GPC5: variants seen among roughly 807,000 people sequenced by gnomAD.
GPC5 encodes the protein glypican-5.
In GPC5, 47 loss-of-function variants were observed where a neutral mutation model predicts 53.9. The observed-to-expected ratio is 0.87, with a 90% confidence interval of 0.69 to 1.11. GPC5 has a LOEUF of 1.11. Ranked by LOEUF, GPC5 falls within the 50% of genes most tolerant of loss-of-function variation. GPC5 has a pLI of 0.00. For synonymous variants in GPC5, 286 were observed against 263.3 expected, an observed-to-expected ratio of 1.09 and a Z score of -0.84; for missense variants, 748 against 713.1, an observed-to-expected ratio of 1.05 and a Z score of -0.56.
At chr13:92,845,705 C>G (rs1456447107) in intron 7 of GPC5, among the ~76,000 whole-genome samples, 1 of 152,086 alleles carries the variant, frequency 6.6e-6, no homozygotes, top group African/African-American at 2.4e-5. Flanking sequence ...ATGAAATTAA[C>G]CATCACACTA....
At chr13:92,809,712 C>G (rs963820557) in intron 7 of GPC5, among the ~76,000 whole-genome samples, 10 of 152,072 alleles carry the variant, frequency 6.6e-5, no homozygotes, top group Non-Finnish European at 8.8e-5. Flanking sequence ...GACCACTGAC[C>G]ACAGATCACC....
chr13:92,597,597 CAA>C (rs1376053150), intron 7 of GPC5, among the ~76,000 whole-genome samples: 4 of 151,864 alleles, frequency 2.6e-5, no homozygotes, highest in African/African-American at 9.7e-5. Flanking sequence ...AAGATAATGT[CAA>C]AGAAAAACTA....
intron 7 of GPC5, among the ~76,000 whole-genome samples, chr13:92,851,778 G>T (rs1208031447): frequency 6.7e-6 from 1 of 150,308 alleles, no homozygotes; most frequent in Non-Finnish European, 1.5e-5. Context: ...AGTCCCAGCT[G>T]CTCAGGAGGC....
chr13:92,120,468 C>T (rs573116758), intron 6 of GPC5, among the ~76,000 whole-genome samples: 27 of 152,154 alleles, frequency 1.8e-4, no homozygotes, highest in African/African-American at 5.8e-4. Flanking sequence ...CTATGTTAGC[C>T]AAGCTGGTCT....
At chr13:91,441,286 A>C (rs1004523593) in intron 1 of GPC5, among the ~76,000 whole-genome samples, 10 of 152,226 alleles carry the variant, frequency 6.6e-5, no homozygotes, top group African/African-American at 2.4e-4. Context: ...ACTTCAGGGC[A>C]GGGAACTTGA....
chr13:92,493,605 C>T (rs970296176), intron 7 of GPC5, among the ~76,000 whole-genome samples: 3 of 152,150 alleles, frequency 2.0e-5, no homozygotes, highest in Non-Finnish European at 4.4e-5. Context: ...GTCTCAAGGT[C>T]TGTCTTCAAG....
At chr13:91,975,267 A>G (rs1313803359) in intron 6 of GPC5, among the ~76,000 whole-genome samples, 3 of 152,190 alleles carry the variant, frequency 2.0e-5, no homozygotes, top group Non-Finnish European at 4.4e-5. Flanking sequence ...AAAATTGACA[A>G]ATGGGATCTA....
chr13:91,672,631 G>A (rs1337111228), intron 2 of GPC5, among the ~76,000 whole-genome samples: 1 of 152,220 alleles, frequency 6.6e-6, no homozygotes, highest in African/African-American at 2.4e-5. Context: ...TTACACTGTT[G>A]ATGGAAATGT....
At chr13:92,052,378 G>T (rs766055205) in intron 6 of GPC5, among the ~76,000 whole-genome samples, 1 of 152,102 alleles carries the variant, frequency 6.6e-6, no homozygotes, top group Non-Finnish European at 1.5e-5. Flanking sequence ...AGTGAGCAGC[G>T]GCAAGATTTA....
intron 7 of GPC5, among the ~76,000 whole-genome samples, chr13:92,618,194 A>G (rs1884760065): frequency 6.6e-6 from 1 of 152,136 alleles, no homozygotes; most frequent in Non-Finnish European, 1.5e-5. Flanking sequence ...TCTTAAGTAC[A>G]TAGTTATTTG....
At chr13:92,852,815 T>C (rs925320414) in intron 7 of GPC5, among the ~76,000 whole-genome samples, 2 of 152,120 alleles carry the variant, frequency 1.3e-5, no homozygotes, top group African/African-American at 4.8e-5. Context: ...AAGCATATAT[T>C]GATATGAAGG....
At chr13:91,531,862 G>A (rs767510047) in intron 2 of GPC5, among the ~76,000 whole-genome samples, 2 of 152,152 alleles carry the variant, frequency 1.3e-5, no homozygotes, top group Non-Finnish European at 2.9e-5. Context: ...TCCAGATTGG[G>A]AATGGTGGCT....
At chr13:92,592,454 G>C (rs1883743853) in intron 7 of GPC5, among the ~76,000 whole-genome samples, 1 of 151,278 alleles carries the variant, frequency 6.6e-6, no homozygotes, top group Non-Finnish European at 1.5e-5. Flanking sequence ...TTCAAGAAAT[G>C]TCTAGTCCCT....
At chr13:92,431,171 C>T (rs996770352) in intron 7 of GPC5, among the ~76,000 whole-genome samples, 1 of 152,104 alleles carries the variant, frequency 6.6e-6, no homozygotes, top group Non-Finnish European at 1.5e-5. Flanking sequence ...TAACCACTTC[C>T]TATGTGCAGA....
At position 91,432,714 on chromosome 13, in the gene GPC5, G is replaced by T. The variant is rs537388000; in HGVS notation, c.164-16047G>T. On this transcript the variant is annotated intron_variant, in intron 1 of 7. Coordinates refer to ENST00000377067, the MANE Select transcript of GPC5 (RefSeq NM_004466.6). ...TATCAATATATACTTTTATAGGACA[G>T]TGCCTGTATTTTGTGAAGTAAAAAC... 2.0e-5 allele frequency among the ~76,000 whole-genome samples: 3 copies of T among 152,110 alleles called. No individual in the cohort carries two copies. The South Asian group carries it at 6.2e-4, about 32-fold the overall frequency.
intron 7 of GPC5, among the ~76,000 whole-genome samples, chr13:92,147,084 A>G (rs1444028625): frequency 2.0e-5 from 3 of 152,174 alleles, no homozygotes; most frequent in Admixed American, 6.6e-5. Flanking sequence ...AAAAGATACT[A>G]TGTCATTATA....
At chr13:91,531,304 T>C (rs1886331790) in intron 2 of GPC5, among the ~76,000 whole-genome samples, 1 of 152,214 alleles carries the variant, frequency 6.6e-6, no homozygotes, top group African/African-American at 2.4e-5. Context: ...CTGAATAGCT[T>C]TAGCTATCCA....
chr13:92,243,532 T>G (rs917430244), intron 7 of GPC5, among the ~76,000 whole-genome samples: 2 of 151,994 alleles, frequency 1.3e-5, no homozygotes, highest in Admixed American at 1.3e-4. Context: ...ATCTTAAAGG[T>G]TGATATTATA....
At chr13:92,536,349 A>C (rs1881721923) in intron 7 of GPC5, among the ~76,000 whole-genome samples, 2 of 152,182 alleles carry the variant, frequency 1.3e-5, no homozygotes, top group South Asian at 4.1e-4. Context: ...AAAGTAGAAG[A>C]ACCCAATGTT....
Sources: allele counts gnomAD v4.1 joint callset (sites outside exome capture counted in the v4.1 genomes callset), GRCh38; gene constraint gnomAD v4.1.1; transcripts MANE v1.5; gene names NCBI Gene and HGNC (gene_info 2026-07-23, HGNC 2026-07-21).